ZNF81: variants seen among roughly 807,000 people sequenced by gnomAD.
The protein encoded by ZNF81 is zinc finger protein 81 (HFZ20).
In ZNF81, 5 loss-of-function variants were observed where a neutral mutation model predicts 32.3. The observed-to-expected ratio is 0.15, with a 90% CI of 0.08 to 0.33. The LOEUF (loss-of-function observed/expected upper bound fraction) is 0.33. ZNF81 is among the 10% of genes least tolerant of loss of function. The pLI is 1.00. For missense variants in ZNF81, 379 were observed against 479.8 expected, an observed-to-expected ratio of 0.79 and a Z score of 1.96; for synonymous variants, 163 against 166.8, an observed-to-expected ratio of 0.98 and a Z score of 0.17.
intron 2 of ZNF81, among the ~76,000 whole-genome samples, chrX:47,881,536 T>C (rs782235370): frequency 8.9e-6 from 1 of 112,040 alleles, no homozygotes; most frequent in Non-Finnish European, 1.9e-5. Context: ...TATTCTCTCT[T>C]TTTTACAGAG....
intron 2 of ZNF81, among the ~76,000 whole-genome samples, chrX:47,849,343 C>T (rs2058484023): frequency 8.9e-6 from 1 of 111,802 alleles, no homozygotes; most frequent in Non-Finnish European, 1.9e-5. Context: ...CTAACTACTA[C>T]CCTGACTTTT....
Position 47,895,851 on chromosome X carries a change from A to G in ZNF81, c.188A>G (p.Glu63Gly), listed in dbSNP as rs1216304714. 2.5e-6 allele frequency: 3 copies of G among 1,205,561 alleles called. No individual in the cohort carries two copies. In the East Asian group the frequency reaches 8.9e-5, roughly 36 times the overall value. The change falls in exon 4 of 5, where the codon GAA (glutamate) becomes GGA (glycine). Residue 63 changes from glutamate to glycine, a missense_variant. Physicochemically the swap from Glu to Gly is moderately conservative, Grantham distance 98 (BLOSUM62 -2). This residue lies in a region of ZNF81 where 277 missense variants were observed against 306.6 expected (regional missense o/e 0.90). Coordinates refer to ENST00000338637, the MANE Select transcript of ZNF81 (RefSeq NM_007137.5). The part of the protein sequence containing the change: ...NYSHLLSVGF[E>G]VPKPEVIFKL... Reference sequence around the variant, plus strand: ...TATCGTGTCCTGTTAACAGGGTTCGAAGTTCCTAAACCAGAGGTCATCTTC... The same window carrying G: ...TATCGTGTCCTGTTAACAGGGTTCGGAGTTCCTAAACCAGAGGTCATCTTC...
chrX:47,890,865 T>C (rs1556886388), intron 3 of ZNF81, among the ~76,000 whole-genome samples: 1 of 112,136 alleles, frequency 8.9e-6, no homozygotes, highest in Non-Finnish European at 1.9e-5. Context: ...ACATGCTCTA[T>C]ACCACTGGAC....
chrX:47,913,290 A>T (rs2058745335), intron 4 of ZNF81, among the ~76,000 whole-genome samples: 1 of 111,948 alleles, frequency 8.9e-6, no homozygotes, highest in Non-Finnish European at 1.9e-5. Context: ...AGGCAGGAGG[A>T]TGGCTTGAGG....
intron 2 of ZNF81, among the ~76,000 whole-genome samples, chrX:47,860,181 T>G (rs1556882372): frequency 9.6e-6 from 1 of 104,304 alleles, no homozygotes; most frequent in African/African-American, 3.5e-5. Flanking sequence ...AGATGACCTT[T>G]TTTTTTTTTT....
intron 3 of ZNF81, 34 bp downstream of exon 3, chrX:47,888,159 C>G (rs782681585): frequency 9.6e-5 from 115 of 1,193,540 alleles, no homozygotes; most frequent in Non-Finnish European, 1.3e-4. Context: ...TTGTGAGGAG[C>G]CTGTTATGGG....
intron 2 of ZNF81, chrX:47,860,631 A>T (rs1556882450): frequency 9.0e-6 from 1 of 111,508 alleles, no homozygotes; most frequent in Non-Finnish European, 1.9e-5. Flanking sequence ...AATTGGCCAG[A>T]AGTACAGAGG....
chrX:47,915,533 A>G lies in ZNF81; in HGVS notation c.887A>G (p.His296Arg). The G allele has an allele frequency of 8.3e-7, 1 of 1,211,697 alleles. No homozygotes were observed. The highest frequency in any genetic ancestry group is 1.1e-6 in the Non-Finnish European group (1 of 895,522). ...CATTTCTTTGCTCCTCAAAAAATTC[A>G]TACTGTGGAAAAACCTCATGAGCTT... ...RSHFFAPQKI[H>R]TVEKPHELSK... The change falls in exon 5 of 5, where the codon CAT becomes CGT. Residue 296 changes from histidine to arginine, a missense_variant. By Grantham distance (29) the His-to-Arg change is conservative. Around this residue, in one of 2 missense-constraint regions of ZNF81, gnomAD observed 277 missense variants for 306.6 expected, o/e 0.90. Transcript: ENST00000338637.
chrX:47,887,290 T>C (rs1217420612), intron 2 of ZNF81, among the ~76,000 whole-genome samples: 2 of 112,010 alleles, frequency 1.8e-5, no homozygotes, highest in East Asian at 5.6e-4. Context: ...TTGGCTATTC[T>C]GGGTCCTTCG....
At chrX:47,879,765 A>G (rs2058613450) in intron 2 of ZNF81, among the ~76,000 whole-genome samples, 1 of 112,122 alleles carries the variant, frequency 8.9e-6, no homozygotes, top group Non-Finnish European at 1.9e-5. Flanking sequence ...GAAAAAAGGC[A>G]GTCAGTGAGT....
chrX:47,907,453 T>C (rs1187542667), intron 4 of ZNF81, among the ~76,000 whole-genome samples: 3 of 109,708 alleles, frequency 2.7e-5, no homozygotes, highest in African/African-American at 9.9e-5. Context: ...ATTGATTCTG[T>C]TGTGTTTTTG....
intron 2 of ZNF81, among the ~76,000 whole-genome samples, chrX:47,850,912 CACACACACACACACACACACACAA>C (rs1556881137): frequency 2.1e-5 from 2 of 97,199 alleles, no homozygotes; most frequent in Non-Finnish European, 4.2e-5. Context: ...CACACACACA[CACACACACACACACACACACACAA>C]CCCAACACCC....
At chrX:47,909,851 A>G (rs1228064449) in intron 4 of ZNF81, among the ~76,000 whole-genome samples, 1 of 104,332 alleles carries the variant, frequency 9.6e-6, no homozygotes, top group Non-Finnish European at 1.9e-5. Context: ...GAGTGAGAAC[A>G]TGCGGTGTTT....
chrX:47,862,987 G>C (rs1032942811), intron 2 of ZNF81, among the ~76,000 whole-genome samples: 1 of 111,593 alleles, frequency 9.0e-6, no homozygotes, highest in Non-Finnish European at 1.9e-5. Context: ...GGACGTTAGA[G>C]GGTCTGTCTC....
In ZNF81 at chrX:47,922,655, G is replaced by A. The variant is rs2058780718; in HGVS notation, c.*6023G>A. Among the ~76,000 whole-genome samples, 1 of 111,630 alleles carries A rather than the reference G, an allele frequency of 9.0e-6. No homozygotes were observed. Among genetic ancestry groups the A allele is most frequent in the Admixed American group, 9.5e-5 (1 of 10,514 alleles). ...GTCCTGATGGTTTTCATCTATAAAA[G>A]ATGTACACACTACCACCTATCATAG... On this transcript the variant is annotated 3_prime_UTR_variant, in exon 5 of 5. Transcript: ENST00000338637.
intron 2 of ZNF81, among the ~76,000 whole-genome samples, chrX:47,855,370 G>C (rs1459248749): frequency 1.8e-5 from 2 of 110,717 alleles, no homozygotes; most frequent in Non-Finnish European, 3.8e-5. Context: ...CAAACCTGCA[G>C]TTTACGAGAA....
In ZNF81 at chrX:47,888,121, A is replaced by T. The variant is rs1175153147; in HGVS notation, c.177A>T (p.Ser59=). The change falls in exon 3 of 5, where the codon TCA becomes TCT. Residue 59 remains serine, a synonymous_variant. Coordinates refer to ENST00000338637, the MANE Select transcript of ZNF81 (RefSeq NM_007137.5). ...VMLENYSHLL[S]VGFEVPKPEV... is the part of the protein sequence containing the mutation. ...TGGAGAACTACAGCCACCTGCTCTC[A>T]GTGGGTAAGGACAACCATCCTGTGA... 1 of 1,206,652 alleles carries T rather than the reference A, an allele frequency of 8.3e-7. No homozygotes were observed. Among genetic ancestry groups the T allele is most frequent in the African/African-American group, 1.8e-5 (1 of 56,873 alleles).
intron 4 of ZNF81, among the ~76,000 whole-genome samples, chrX:47,896,759 A>C (rs1556887290): frequency 9.0e-6 from 1 of 111,539 alleles, no homozygotes; most frequent in East Asian, 2.8e-4. Context: ...GCCCCAGGCA[A>C]CCACTGACAT....
intron 2 of ZNF81, among the ~76,000 whole-genome samples, chrX:47,854,823 C>T (rs1028035334): frequency 2.7e-5 from 3 of 111,808 alleles, no homozygotes; most frequent in Non-Finnish European, 3.8e-5. Flanking sequence ...AGGCCGGGCG[C>T]GGCGGCTCAC....
Sources: allele counts gnomAD v4.1 joint callset (sites outside exome capture counted in the v4.1 genomes callset), GRCh38; gene constraint gnomAD v4.1.1; regional missense constraint gnomAD v4.1.1; transcripts MANE v1.5; gene names NCBI Gene and HGNC (gene_info 2026-07-23, HGNC 2026-07-21).